Variants in FANCC observed in about 807,000 individuals in gnomAD.
The protein encoded by FANCC is Fanconi anemia group C protein.
In FANCC, 55 loss-of-function variants were observed where a neutral mutation model predicts 71.3. The observed-to-expected ratio is 0.77, with a 90% CI of 0.62 to 0.97. The LOEUF is 0.97. Ranked by LOEUF, FANCC falls within the 50% of genes least tolerant of loss-of-function variation. The pLI is 0.00. For synonymous variants in FANCC, 275 were observed against 244.9 expected (o/e 1.12, Z -1.15); for missense variants, 678 against 670.9 (o/e 1.01, Z -0.12).
chr9:95,141,521 GA>G, intron 7 of FANCC, among the ~76,000 whole-genome samples: 1 of 151,878 alleles, frequency 6.6e-6, no homozygotes, highest in Non-Finnish European at 1.5e-5. Flanking sequence ...TATCTAAGTT[GA>G]AAAAAACATA....
intron 10 of FANCC, among the ~76,000 whole-genome samples, chr9:95,119,119 C>T (rs2072662139): frequency 6.6e-6 from 1 of 152,178 alleles, no homozygotes; most frequent in Non-Finnish European, 1.5e-5. Flanking sequence ...GCTTTCCTAC[C>T]TGTTTCACTC....
chr9:95,117,690 C>T (rs1939131096), intron 10 of FANCC, among the ~76,000 whole-genome samples: 1 of 151,770 alleles, frequency 6.6e-6, no homozygotes, highest in African/African-American at 2.4e-5. Context: ...GAAAGACTTG[C>T]CAAAGCCGTT....
intron 6 of FANCC, among the ~76,000 whole-genome samples, chr9:95,151,118 C>T (rs1411348450): frequency 6.6e-6 from 1 of 152,148 alleles, no homozygotes; most frequent in Non-Finnish European, 1.5e-5. Context: ...GCTTCAAGTG[C>T]CCTCTTACCC....
At chr9:95,260,614 AACC>A (rs1472386398) in intron 1 of FANCC, among the ~76,000 whole-genome samples, 8 of 151,838 alleles carry the variant, frequency 5.3e-5, no homozygotes, top group African/African-American at 1.9e-4. Context: ...GGGTGCAGGA[AACC>A]ACCATGGCAC....
At chr9:95,301,175 AACAC>A (rs146415585) in intron 1 of FANCC, among the ~76,000 whole-genome samples, 74 of 146,078 alleles carry the variant, frequency 5.1e-4, no homozygotes, top group South Asian at 8.9e-4. Context: ...TAACCATCAA[AACAC>A]ACACACACAC....
At chr9:95,238,764 A>T (rs1163064256) in intron 4 of FANCC, among the ~76,000 whole-genome samples, 2 of 151,986 alleles carry the variant, frequency 1.3e-5, no homozygotes, top group Non-Finnish European at 2.9e-5. Flanking sequence ...ACAAGGTTTC[A>T]CCATGTTAGC....
At chr9:95,186,051 G>T (rs1432031367) in intron 4 of FANCC, among the ~76,000 whole-genome samples, 6 of 152,112 alleles carry the variant, frequency 3.9e-5, no homozygotes, top group Admixed American at 2.0e-4. Flanking sequence ...CTCTCAGTAT[G>T]TTGCTCAGGC....
intron 4 of FANCC, among the ~76,000 whole-genome samples, chr9:95,192,639 T>C (rs2135748196): frequency 6.6e-6 from 1 of 152,316 alleles, no homozygotes; most frequent in East Asian, 1.9e-4. Context: ...GGAATTTGAC[T>C]ATCAAATTTT....
intron 7 of FANCC, among the ~76,000 whole-genome samples, chr9:95,146,509 A>AAAG (rs1829570856): frequency 6.6e-6 from 1 of 151,512 alleles, no homozygotes; most frequent in Non-Finnish European, 1.5e-5. Flanking sequence ...AAAAAAAAAA[A>AAAG]AAATTGAAAA....
intron 10 of FANCC, among the ~76,000 whole-genome samples, chr9:95,118,423 T>A (rs2072604963): frequency 6.6e-6 from 1 of 152,254 alleles, no homozygotes; most frequent in Non-Finnish European, 1.5e-5. Context: ...GAAGCTTTTT[T>A]AAAAATTGAG....
chr9:95,216,262 T>A (rs1359665858), intron 4 of FANCC, among the ~76,000 whole-genome samples: 1 of 152,160 alleles, frequency 6.6e-6, no homozygotes, highest in Non-Finnish European at 1.5e-5. Context: ...GATTTCACAA[T>A]GATAAAAGGG....
chr9:95,099,577 C>A lies in FANCC; in HGVS notation c.*2130G>T. ...CCTGTCTTGGAGGTGGAGGGAATGGCCGAGGGGTGGCTCCCCCAGCTCCCC... is the reference window on the plus strand; with the variant it reads ...CCTGTCTTGGAGGTGGAGGGAATGGACGAGGGGTGGCTCCCCCAGCTCCCC... On this transcript the variant is annotated 3_prime_UTR_variant, in exon 15 of 15. Transcript: ENST00000289081. 4.3e-6 allele frequency: 1 copy of A among 230,816 alleles called. No individual in the cohort carries two copies. The highest frequency in any genetic ancestry group is 8.6e-6 in the Non-Finnish European group (1 of 116,722). The allele number at this position is 230,816 out of a possible 1,614,324, so 14.3% of individuals were successfully genotyped here.
Position 95,134,539 on chromosome 9 carries a change from G to A in FANCC, c.843+807C>T, listed in dbSNP as rs76639698. 8.1e-4 allele frequency among the ~76,000 whole-genome samples: 124 copies of A among 152,340 alleles called. 2 individuals carry two copies. In the East Asian group the frequency reaches 0.023, roughly 28 times the overall value. ...TCTGTGCCACATCCCTGCAGATTACGAAAGCTAAAGGGAAAAAGGGCAGAG... is the reference window on the plus strand; with the variant it reads ...TCTGTGCCACATCCCTGCAGATTACAAAAGCTAAAGGGAAAAAGGGCAGAG... On this transcript the variant is annotated intron_variant, in intron 8 of 14. Transcript: ENST00000289081.
intron 4 of FANCC, among the ~76,000 whole-genome samples, chr9:95,188,983 A>G (rs1826910181): frequency 6.6e-6 from 1 of 152,208 alleles, no homozygotes; most frequent in Admixed American, 6.5e-5. Flanking sequence ...ACATCTCAGT[A>G]TATGTAATTT....
At chr9:95,234,638 G>C (rs561425189) in intron 4 of FANCC, among the ~76,000 whole-genome samples, 1 of 152,266 alleles carries the variant, frequency 6.6e-6, no homozygotes, top group East Asian at 1.9e-4. Flanking sequence ...TAGTATATTT[G>C]TCAGTTATCC....
At chr9:95,207,648 G>A (rs1227001366) in intron 4 of FANCC, among the ~76,000 whole-genome samples, 1 of 152,150 alleles carries the variant, frequency 6.6e-6, no homozygotes, top group Non-Finnish European at 1.5e-5. Flanking sequence ...TGACTGAGCA[G>A]GTCAGACGGA....
At chr9:95,136,986 C>G (rs1390002371) in intron 7 of FANCC, among the ~76,000 whole-genome samples, 1 of 152,196 alleles carries the variant, frequency 6.6e-6, no homozygotes, top group Non-Finnish European at 1.5e-5. Flanking sequence ...ACATCCCAGA[C>G]AGTGGGTGCT....
intron 1 of FANCC, chr9:95,293,235 A>G (rs1437591659): frequency 6.2e-7 from 1 of 1,613,072 alleles, no homozygotes; most frequent in Non-Finnish European, 8.5e-7. Context: ...CCAAAGCCCA[A>G]AGTGGCTTTG....
intron 1 of FANCC, among the ~76,000 whole-genome samples, chr9:95,275,542 A>T (rs1420578110): frequency 1.3e-5 from 2 of 151,730 alleles, no homozygotes; most frequent in African/African-American, 4.8e-5. Flanking sequence ...TAACAAATGT[A>T]CCACTCTGGT....
Sources: allele counts gnomAD v4.1 joint callset (sites outside exome capture counted in the v4.1 genomes callset), GRCh38; gene constraint gnomAD v4.1.1; transcripts MANE v1.5; gene names NCBI Gene and HGNC (gene_info 2026-07-23, HGNC 2026-07-21).